The following RSPO3 variants were observed in gnomAD, a reference collection of about 807,000 sequenced individuals.
The protein encoded by RSPO3 is R-spondin 3, also known as R-spondin-3.
A neutral mutation model predicts 36.5 loss-of-function variants in RSPO3; 17 were observed. The observed-to-expected ratio is 0.47, with a 90% CI of 0.32 to 0.70. The LOEUF (loss-of-function observed/expected upper bound fraction) is 0.70, where lower values mean the gene tolerates loss of function less well. Ranked by LOEUF, RSPO3 falls within the 30% of genes least tolerant of loss-of-function variation. RSPO3 has a pLI of 0.04. For synonymous variants in RSPO3, 108 were observed against 107.0 expected, an observed-to-expected ratio of 1.01 and a Z score of -0.06; for missense variants, 294 against 322.5, an observed-to-expected ratio of 0.91 and a Z score of 0.68.
At chr6:127,135,528 A>T (rs2114556736) in intron 1 of RSPO3, among the ~76,000 whole-genome samples, 1 of 152,044 alleles carries the variant, frequency 6.6e-6, no homozygotes, top group East Asian at 1.9e-4. Flanking sequence ...GAACTCTATT[A>T]ATAAGGGAGG....
chr6:127,143,257 G>T (rs531104788), intron 1 of RSPO3, among the ~76,000 whole-genome samples: 57 of 152,226 alleles, frequency 3.7e-4, no homozygotes, highest in African/African-American at 1.3e-3. Context: ...GAAAAAAGAA[G>T]AAGAAATTAT....
At position 127,148,628 on chromosome 6, in the gene RSPO3, T is replaced by G. The variant is rs1774432138; in HGVS notation, c.98-20T>G. The stretch of plus-strand genomic sequence containing the variant: ...CTGTGATTTAACCTTTGTAATGTCT[T>G]TCTACATTTGTCTCCACAGTGCATC... On this transcript the variant is annotated intron_variant, in intron 1 of 4. Coordinates refer to ENST00000356698, the MANE Select transcript of RSPO3 (RefSeq NM_032784.5). 2.5e-6 allele frequency: 4 copies of G among 1,586,980 alleles called. No homozygotes were observed. The highest frequency in any genetic ancestry group is 3.4e-6 in the Non-Finnish European group (4 of 1,162,264).
chr6:127,172,465 A>C (rs1025952092), intron 4 of RSPO3, among the ~76,000 whole-genome samples: 5 of 151,594 alleles, frequency 3.3e-5, no homozygotes, highest in South Asian at 2.1e-4. Context: ...TGGTTATATA[A>C]ATCTGGGAAC....
chr6:127,182,086 G>GGA (rs375011906), intron 4 of RSPO3, among the ~76,000 whole-genome samples: 3 of 151,542 alleles, frequency 2.0e-5, no homozygotes, highest in Admixed American at 6.6e-5. Context: ...GTGAGAGAAT[G>GGA]GAGAGAGAGA....
At chr6:127,192,259 T>G (rs1303271349) in intron 4 of RSPO3, among the ~76,000 whole-genome samples, 1 of 152,188 alleles carries the variant, frequency 6.6e-6, no homozygotes, top group African/African-American at 2.4e-5. Context: ...TTATCACACA[T>G]TTTTGGCACA....
chr6:127,144,600 C>T (rs1265180717), intron 1 of RSPO3, among the ~76,000 whole-genome samples: 2 of 137,584 alleles, frequency 1.5e-5, no homozygotes, highest in East Asian at 4.4e-4. Flanking sequence ...CCCTATTTTG[C>T]ATGATGTCTT....
intron 1 of RSPO3, among the ~76,000 whole-genome samples, chr6:127,133,074 A>G (rs905792027): frequency 6.6e-6 from 1 of 152,118 alleles, no homozygotes; most frequent in Non-Finnish European, 1.5e-5. Flanking sequence ...CTCATTACAG[A>G]CATAGGATTT....
At chr6:127,168,284 T>C (rs1774862210) in intron 4 of RSPO3, among the ~76,000 whole-genome samples, 1 of 152,170 alleles carries the variant, frequency 6.6e-6, no homozygotes, top group Admixed American at 6.5e-5. Context: ...GACTTATTAA[T>C]GATCACCATT....
chr6:127,149,478 G>A (rs1237282809), intron 2 of RSPO3, among the ~76,000 whole-genome samples: 1 of 152,044 alleles, frequency 6.6e-6, no homozygotes, highest in Non-Finnish European at 1.5e-5. Flanking sequence ...TACACTGGCT[G>A]TTCTAGCAGT....
intron 1 of RSPO3, among the ~76,000 whole-genome samples, chr6:127,146,558 A>C (rs1261506967): frequency 6.6e-6 from 1 of 152,168 alleles, no homozygotes; most frequent in Non-Finnish European, 1.5e-5. Context: ...AATCATGTTT[A>C]TATTAATAAT....
intron 1 of RSPO3, among the ~76,000 whole-genome samples, chr6:127,129,482 A>G (rs1582785351): frequency 6.6e-6 from 1 of 152,198 alleles, no homozygotes; most frequent in Middle Eastern, 3.4e-3. Flanking sequence ...CGCAGTTGCC[A>G]AAAGTAATTA....
intron 4 of RSPO3, among the ~76,000 whole-genome samples, chr6:127,180,495 A>C (rs1053235959): frequency 6.8e-5 from 10 of 148,086 alleles, no homozygotes; most frequent in East Asian, 6.0e-4. Context: ...AACAAAAAAA[A>C]AAAAAAAAAA....
chr6:127,185,734 A>G (rs1212290672), intron 4 of RSPO3, among the ~76,000 whole-genome samples: 1 of 152,130 alleles, frequency 6.6e-6, no homozygotes, highest in Non-Finnish European at 1.5e-5. Context: ...TCAGAGAAAG[A>G]CATAGTGGGC....
At chr6:127,159,143 A>G (rs565782512) in intron 4 of RSPO3, among the ~76,000 whole-genome samples, 15 of 152,302 alleles carry the variant, frequency 9.8e-5, no homozygotes, top group Admixed American at 9.8e-4. Context: ...GTGCACCTGC[A>G]TTTGATGCAA....
chr6:127,188,513 T>G (rs1389017176), intron 4 of RSPO3, among the ~76,000 whole-genome samples: 1 of 151,810 alleles, frequency 6.6e-6, no homozygotes, highest in Non-Finnish European at 1.5e-5. Context: ...CATTAAAGCT[T>G]CAAAAATGTA....
intron 4 of RSPO3, among the ~76,000 whole-genome samples, chr6:127,174,463 G>A (rs1370548076): frequency 6.6e-6 from 1 of 151,888 alleles, no homozygotes; most frequent in Non-Finnish European, 1.5e-5. Flanking sequence ...AGAGGACTAA[G>A]CAGTATGAAG....
chr6:127,176,809 G>A (rs574245993), intron 4 of RSPO3, among the ~76,000 whole-genome samples: 1 of 151,898 alleles, frequency 6.6e-6, no homozygotes, highest in Admixed American at 6.6e-5. Context: ...GATACCTGTT[G>A]CAAAATATTG....
chr6:127,148,984 A>G (rs1414477537), intron 2 of RSPO3, 145 bp downstream of exon 2: 1 of 661,282 alleles, frequency 1.5e-6, no homozygotes, highest in Non-Finnish European at 2.3e-6. Flanking sequence ...CTTGGACTTA[A>G]CCCTCAGAAC....
rs886143307 is a variant in RSPO3 at position 127,196,046 on chromosome 6, A to G, written c.*39A>G. On this transcript the variant is annotated 3_prime_UTR_variant, in exon 5 of 5. Transcript: ENST00000356698. ...ATTATTGTAGACTCATGATGCTGCTATCTCAACCAGATGCCCAGGACAGGT... is the reference window on the plus strand; with the variant it reads ...ATTATTGTAGACTCATGATGCTGCTGTCTCAACCAGATGCCCAGGACAGGT... 6.6e-7 allele frequency: 1 copy of G among 1,514,076 alleles called. No homozygotes were observed. Among genetic ancestry groups the G allele is most frequent in the African/African-American group, 1.4e-5 (1 of 72,392 alleles). 93.8% of individuals were successfully genotyped at this position (1,514,076 alleles called of 1,614,324 possible). A position where few individuals can be genotyped will look rare whatever the true frequency, so the allele number is the denominator to read the frequency against.
Sources: gnomAD v4.1 joint callset for allele counts (sites outside exome capture counted in the v4.1 genomes callset) on GRCh38, gnomAD v4.1.1 for gene constraint, MANE v1.5 for transcripts, NCBI Gene and HGNC (gene_info 2026-07-23, HGNC 2026-07-21) for gene names.